The following MGA variants were observed in gnomAD, a reference collection of about 807,000 sequenced individuals.
MGA encodes MAX dimerization protein MGA.
MGA carries 40 observed loss-of-function variants against 261.1 expected under a neutral mutation model. The observed-to-expected ratio is 0.15, with a 90% CI of 0.12 to 0.20. The LOEUF (loss-of-function observed/expected upper bound fraction) is 0.20. MGA is among the 10% of genes least tolerant of loss of function. The pLI is 1.00. For synonymous variants in MGA, 1,302 were observed against 1,290.6 expected, an observed-to-expected ratio of 1.01 and a Z score of -0.19; for missense variants, 3,397 against 3,630.5, an observed-to-expected ratio of 0.94 and a Z score of 1.65.
chr15:41,689,568 T>C (rs892271706), intron 2 of MGA, among the ~76,000 whole-genome samples: 8 of 147,438 alleles, frequency 5.4e-5, no homozygotes, highest in Admixed American at 2.7e-4. Flanking sequence ...TTTTCTTTTT[T>C]TTTTTTCTTT....
At chr15:41,686,506 CA>C (rs1369397166) in intron 2 of MGA, among the ~76,000 whole-genome samples, 2 of 151,876 alleles carry the variant, frequency 1.3e-5, no homozygotes, top group African/African-American at 4.8e-5. Flanking sequence ...ACTGCATGGG[CA>C]ACAGAGTGAG....
chr15:41,727,276 C>T lies in MGA; in HGVS notation c.3527C>T (p.Thr1176Met), dbSNP rs745626658. The change falls in exon 10 of 24, where the codon ACG becomes ATG. Residue 1176 changes from threonine to methionine, a missense_variant. Around this residue, in one of 9 missense-constraint regions of MGA, gnomAD observed 519 missense variants for 554.1 expected, o/e 0.94. Coordinates refer to ENST00000219905, the MANE Select transcript of MGA (RefSeq NM_001164273.2). ...GATCCAGAACCAGTTTATATCCCCA[C>T]GCCTTCTGTCATTGAGCCTATGAAA... 21 of 1,613,792 alleles carry T rather than the reference C, an allele frequency of 1.3e-5. No individual in the cohort carries two copies. The highest frequency in any genetic ancestry group is 5.0e-5 in the Admixed American group (3 of 59,990).
In MGA at chr15:41,696,322, G is replaced by A; in HGVS notation, c.1312G>A (p.Ala438Thr). 1 of 1,613,936 alleles carries A rather than the reference G, an allele frequency of 6.2e-7. No individual in the cohort carries two copies. The highest frequency in any genetic ancestry group is 8.5e-7 in the Non-Finnish European group (1 of 1,179,902). ...GCACAATAAAGTTGACAACCCAGAA[G>A]CTGACCATCTATCTTCTAAATGGCT... Residue 438 changes from alanine (A) to threonine (T), a missense_variant, in exon 3 of 24, where the codon GCT becomes ACT. By Grantham distance (58) the Ala-to-Thr change is moderately conservative. This residue lies in a region of MGA where 563 missense variants were observed against 563.6 expected (regional missense o/e 1.00). Transcript: ENST00000219905.
intron 15 of MGA, among the ~76,000 whole-genome samples, chr15:41,747,113 A>G (rs1441391961): frequency 6.6e-6 from 1 of 152,054 alleles, no homozygotes; most frequent in Non-Finnish European, 1.5e-5. Flanking sequence ...TCTGCATTAA[A>G]TTTCTGCTTT....
intron 19 of MGA, among the ~76,000 whole-genome samples, chr15:41,758,714 A>T (rs74014614): frequency 1.3e-5 from 2 of 152,008 alleles, no homozygotes; most frequent in Admixed American, 6.5e-5. Flanking sequence ...TGGCTGTTTT[A>T]TTCTCCCATT....
chr15:41,699,960 G>C (rs1279383004), intron 5 of MGA, among the ~76,000 whole-genome samples: 1 of 150,494 alleles, frequency 6.6e-6, no homozygotes, highest in East Asian at 1.9e-4. Context: ...TTGAGTTCTG[G>C]GATACGTGTA....
intron 15 of MGA, among the ~76,000 whole-genome samples, chr15:41,746,246 G>GT (rs1420115014): frequency 6.6e-6 from 1 of 152,060 alleles, no homozygotes; most frequent in African/African-American, 2.4e-5. Context: ...CTTAATTCAC[G>GT]TAAGATTAAT....
chr15:41,706,575 T>A (rs897695916), intron 5 of MGA, among the ~76,000 whole-genome samples: 5 of 127,614 alleles, frequency 3.9e-5, no homozygotes, highest in Non-Finnish European at 7.9e-5. Flanking sequence ...ACTTAGCTTT[T>A]TTTTTTTCCC....
chr15:41,738,929 A>G (rs956029955), intron 13 of MGA, among the ~76,000 whole-genome samples: 28 of 152,210 alleles, frequency 1.8e-4, no homozygotes, highest in African/African-American at 6.8e-4. Flanking sequence ...GTGTCTCTGA[A>G]GATGGAGTTG....
chr15:41,657,554 C>T (rs991509663), upstream of MGA, among the ~76,000 whole-genome samples: 2 of 151,700 alleles, frequency 1.3e-5, no homozygotes, highest in Admixed American at 1.3e-4. Flanking sequence ...CGGGGTTTCA[C>T]CATGTTGGCC....
chr15:41,683,672 G>A (rs2058793732), intron 2 of MGA, among the ~76,000 whole-genome samples: 1 of 150,244 alleles, frequency 6.7e-6, no homozygotes, highest in Non-Finnish European at 1.5e-5. Context: ...TTGACCTCCT[G>A]GGGTCAAGTG....
chr15:41,636,661 C>A (rs992589162), intron 1 of MGA, among the ~76,000 whole-genome samples: 7 of 151,930 alleles, frequency 4.6e-5, no homozygotes, highest in African/African-American at 1.7e-4. Flanking sequence ...GTGACCTGTC[C>A]TCCTCAACCT....
At chr15:41,668,248 C>T (rs1451246873) in intron 1 of MGA, among the ~76,000 whole-genome samples, 1 of 151,862 alleles carries the variant, frequency 6.6e-6, no homozygotes, top group Non-Finnish European at 1.5e-5. Context: ...GTGTAAGGTC[C>T]ATTGAGTTCC....
chr15:41,711,915 C>T (rs1014296852), intron 8 of MGA, among the ~76,000 whole-genome samples: 6 of 152,024 alleles, frequency 3.9e-5, no homozygotes, highest in Non-Finnish European at 5.9e-5. Flanking sequence ...AGACTGGTCT[C>T]GAGCTCCTGA....
intron 9 of MGA, among the ~76,000 whole-genome samples, chr15:41,720,539 A>C (rs1410690949): frequency 6.6e-6 from 1 of 152,100 alleles, no homozygotes; most frequent in Non-Finnish European, 1.5e-5. Flanking sequence ...TGTCTCAAAA[A>C]TAAAAACTAA....
At chr15:41,622,162 G>T (rs1042173003) in intron 1 of MGA, among the ~76,000 whole-genome samples, 1 of 152,076 alleles carries the variant, frequency 6.6e-6, no homozygotes, top group Non-Finnish European at 1.5e-5. Context: ...GGCAAGCGTC[G>T]GTGAGAAGCT....
intron 5 of MGA, among the ~76,000 whole-genome samples, chr15:41,700,214 T>C (rs1305885508): frequency 1.3e-5 from 2 of 151,776 alleles, no homozygotes; most frequent in African/African-American, 4.8e-5. Context: ...CCGGCTAATT[T>C]TTTTTGTATT....
chr15:41,661,107 A>G (rs2057372338), intron 1 of MGA, among the ~76,000 whole-genome samples: 1 of 152,180 alleles, frequency 6.6e-6, no homozygotes, highest in South Asian at 2.1e-4. Context: ...TTAATAAAGG[A>G]GGGCGAGGAA....
Position 41,711,266 on chromosome 15 carries a change from T to G in MGA, c.3001T>G (p.Cys1001Gly), listed in dbSNP as rs377359568. ...GGTGAAGCTAATGGACCTGGAAGAC[T>G]GTGCACTTTGGGAAGGAAAACCAAG... Residue 1001 changes from cysteine to glycine, a missense_variant, in exon 8 of 24, where the codon TGT becomes GGT. Transcript: ENST00000219905. 1.3e-4 allele frequency: 212 copies of G among 1,613,882 alleles called. No homozygotes were observed. The highest frequency in any genetic ancestry group is 1.7e-4 in the Non-Finnish European group (206 of 1,179,894).
Sources: allele counts gnomAD v4.1 joint callset (sites outside exome capture counted in the v4.1 genomes callset), GRCh38; gene constraint gnomAD v4.1.1; regional missense constraint gnomAD v4.1.1; transcripts MANE v1.5; gene names NCBI Gene and HGNC (gene_info 2026-07-23, HGNC 2026-07-21).